PRRG1: variants seen among roughly 807,000 people sequenced by gnomAD.
PRRG1 encodes the protein proline rich and Gla domain 1, also known as transmembrane gamma-carboxyglutamic acid protein 1.
Under a neutral mutation model 11.8 loss-of-function variants are expected in PRRG1, and 5 were observed. The observed-to-expected ratio is 0.42, with a 90% CI of 0.22 to 0.89. The LOEUF is 0.89. Ranked by LOEUF, PRRG1 falls within the 40% of genes least tolerant of loss-of-function variation. PRRG1 has a pLI of 0.28. For synonymous variants in PRRG1, 66 were observed against 60.4 expected, an observed-to-expected ratio of 1.09 and a Z score of -0.43; for missense variants, 155 against 166.1, an observed-to-expected ratio of 0.93 and a Z score of 0.37.
At chrX:37,448,840 A>G (rs1921011772) in intron 3 of PRRG1, among the ~76,000 whole-genome samples, 1 of 111,618 alleles carries the variant, frequency 9.0e-6, no homozygotes, top group Non-Finnish European at 1.9e-5. Flanking sequence ...TATGTTTCCC[A>G]GGTTTGTCTC....
intron 1 of PRRG1, among the ~76,000 whole-genome samples, chrX:37,375,493 A>G (rs1556371848): frequency 8.9e-6 from 1 of 112,042 alleles, no homozygotes; most frequent in African/African-American, 3.2e-5. Flanking sequence ...ACAAAATAAC[A>G]CAAATAAAAA....
rs188682017 is a variant in PRRG1, at chrX:37,422,545, G to A, written c.11-3295G>A. On this transcript the variant is annotated intron_variant, in intron 2 of 3. Transcript: ENST00000378628. ...TGTATTAGTTGGCCTGTTATATGGA[G>A]GAGACTTATGCGTTAATTCAGAGGG... 6.2e-5 allele frequency among the ~76,000 whole-genome samples: 7 copies of A among 112,230 alleles called. No individual in the cohort carries two copies. The Admixed American group carries it at 6.6e-4, about 11-fold the overall frequency.
At chrX:37,357,792 G>T (rs1930286873) in intron 1 of PRRG1, among the ~76,000 whole-genome samples, 1 of 112,110 alleles carries the variant, frequency 8.9e-6, no homozygotes, top group Non-Finnish European at 1.9e-5. Context: ...GATCAAGGAG[G>T]ACTACTTTAT....
intron 1 of PRRG1, among the ~76,000 whole-genome samples, chrX:37,379,116 C>T (rs1348745702): frequency 1.0e-5 from 1 of 96,160 alleles, no homozygotes; most frequent in African/African-American, 3.9e-5. Flanking sequence ...GCCTTCTGCT[C>T]CTGGCAGGCA....
intron 3 of PRRG1, among the ~76,000 whole-genome samples, chrX:37,434,918 G>A (rs782788871): frequency 3.6e-5 from 4 of 111,818 alleles, no homozygotes; most frequent in Admixed American, 9.5e-5. Context: ...ACTTTTAATC[G>A]TATATAATTT....
At chrX:37,450,909 T>C (rs782724944) in intron 3 of PRRG1, among the ~76,000 whole-genome samples, 1 of 112,641 alleles carries the variant, frequency 8.9e-6, no homozygotes, top group Non-Finnish European at 1.9e-5. Context: ...TGTAAAGCAA[T>C]TTTTTAAATG....
intron 1 of PRRG1, among the ~76,000 whole-genome samples, chrX:37,400,673 C>CA (rs1340511259): frequency 9.0e-6 from 1 of 111,006 alleles, no homozygotes; most frequent in Non-Finnish European, 1.9e-5. Context: ...AAAAACCCTT[C>CA]AAAAAATTAA....
intron 1 of PRRG1, among the ~76,000 whole-genome samples, chrX:37,368,996 A>C (rs1407269887): frequency 9.0e-6 from 1 of 110,744 alleles, no homozygotes; most frequent in Non-Finnish European, 1.9e-5. Flanking sequence ...TGTAAAACAA[A>C]CTCCCCTCTA....
At chrX:37,422,588 G>A (rs1266332509) in intron 2 of PRRG1, among the ~76,000 whole-genome samples, 2 of 112,141 alleles carry the variant, frequency 1.8e-5, no homozygotes, top group African/African-American at 6.5e-5. Context: ...AAGACTAATG[G>A]CTAGGAAGTT....
intron 1 of PRRG1, among the ~76,000 whole-genome samples, chrX:37,361,749 A>G (rs955344921): frequency 1.8e-5 from 2 of 111,068 alleles, no homozygotes; most frequent in African/African-American, 6.6e-5. Context: ...TGTTCTGTGA[A>G]TCTCCTCCAA....
At chrX:37,452,998 C>A in intron 3 of PRRG1, 138 bp from the exon 4 acceptor site, 1 of 623,823 alleles carries the variant, frequency 1.6e-6, no homozygotes, top group Non-Finnish European at 2.4e-6. Context: ...AAAATATAGA[C>A]TTGTAGGTCC....
chrX:37,444,304 C>T (rs1163711857), intron 3 of PRRG1, among the ~76,000 whole-genome samples: 2 of 111,816 alleles, frequency 1.8e-5, no homozygotes, highest in African/African-American at 6.5e-5. Context: ...TGAGTGTTTA[C>T]ATTTTTAAAA....
At chrX:37,410,682 G>C (rs1027953174) in intron 2 of PRRG1, among the ~76,000 whole-genome samples, 149 of 111,844 alleles carry the variant, frequency 1.3e-3, no homozygotes, top group African/African-American at 4.5e-3. Flanking sequence ...TAATTCAAAA[G>C]GCAGCTACAC....
chrX:37,382,538 A>G (rs1445650939), intron 1 of PRRG1, among the ~76,000 whole-genome samples: 1 of 111,678 alleles, frequency 9.0e-6, no homozygotes, highest in Non-Finnish European at 1.9e-5. Context: ...TGGATATAAC[A>G]AGGTTTATTT....
At chrX:37,375,139 G>T (rs185936767) in intron 1 of PRRG1, among the ~76,000 whole-genome samples, 1 of 111,658 alleles carries the variant, frequency 9.0e-6, no homozygotes, top group South Asian at 3.7e-4. Context: ...TATTATACAG[G>T]ATCCCTATTG....
At chrX:37,363,782 A>AC (rs1556368298) in intron 1 of PRRG1, among the ~76,000 whole-genome samples, 4 of 110,683 alleles carry the variant, frequency 3.6e-5, no homozygotes, top group Non-Finnish European at 7.6e-5. Context: ...TCACTCATTC[A>AC]CCCCCCAAAA....
chrX:37,368,080 G>A (rs1807992695), intron 1 of PRRG1, among the ~76,000 whole-genome samples: 1 of 111,832 alleles, frequency 8.9e-6, no homozygotes, highest in Non-Finnish European at 1.9e-5. Context: ...TTAATGTTGA[G>A]ACTTGTTTCA....
chrX:37,408,505 C>T (rs1556382714), intron 2 of PRRG1, among the ~76,000 whole-genome samples: 1 of 110,984 alleles, frequency 9.0e-6, no homozygotes, highest in Non-Finnish European at 1.9e-5. Flanking sequence ...GTGGGGGTGG[C>T]CATGTTGCCA....
chrX:37,439,395 G>A (rs1311530302), intron 3 of PRRG1, among the ~76,000 whole-genome samples: 1 of 111,946 alleles, frequency 8.9e-6, no homozygotes, highest in Non-Finnish European at 1.9e-5. Flanking sequence ...ATCTTTTCAT[G>A]GAGTCCACAA....
Sources: gnomAD v4.1 joint callset for allele counts (sites outside exome capture counted in the v4.1 genomes callset) on GRCh38, gnomAD v4.1.1 for gene constraint, MANE v1.5 for transcripts, NCBI Gene and HGNC (gene_info 2026-07-23, HGNC 2026-07-21) for gene names.